Variants in ABCA12 observed in about 807,000 individuals in gnomAD.
The protein encoded by ABCA12 is ATP binding cassette subfamily A member 12.
ABCA12 carries 156 observed loss-of-function variants against 293.5 expected under a neutral mutation model. The ratio of observed to expected loss-of-function variants is 0.53; its 90% CI spans 0.47 to 0.61. ABCA12 has a LOEUF of 0.61. Among genes scored for constraint, ABCA12 ranks in the 20% least tolerant of loss-of-function variants. The pLI, the probability that ABCA12 is intolerant of heterozygous loss-of-function variation, is 0.00. For missense variants in ABCA12, 2,797 were observed against 3,090.2 expected (o/e 0.91, Z 2.25); for synonymous variants, 1,063 against 1,108.0 (o/e 0.96, Z 0.81).
rs780508786 is a variant in ABCA12 at position 214,991,034 on chromosome 2, G to A, written c.3295-3C>T. ...TTCACACCCATCATCTTCATGTACT[G>A]TAAGAAGAAAAAATGTGAGGCGCTT... is the stretch of plus-strand genomic sequence containing the variant. On this transcript the variant is annotated splice_region_variant and splice_polypyrimidine_tract_variant and intron_variant, in intron 23 of 52. Coordinates refer to ENST00000272895, the MANE Select transcript of ABCA12 (RefSeq NM_173076.3). 1 of 1,613,250 alleles carries A rather than the reference G, an allele frequency of 6.2e-7. No individual in the cohort carries two copies. The highest frequency in any genetic ancestry group is 8.5e-7 in the Non-Finnish European group (1 of 1,179,534).
At chr2:215,050,578 T>A (rs552320481) in intron 5 of ABCA12, among the ~76,000 whole-genome samples, 2 of 152,194 alleles carry the variant, frequency 1.3e-5, no homozygotes, top group Non-Finnish European at 2.9e-5. Context: ...ACTTAAGGGG[T>A]CCATCTTAAT....
intron 33 of ABCA12, among the ~76,000 whole-genome samples, chr2:214,977,290 C>G (rs1399091050): frequency 6.6e-6 from 1 of 152,202 alleles, no homozygotes; most frequent in Non-Finnish European, 1.5e-5. Context: ...GAGGCACATA[C>G]TTAGCCTTTG....
chr2:215,077,644 G>A (rs114225255), intron 2 of ABCA12, among the ~76,000 whole-genome samples: 2,838 of 152,258 alleles, frequency 0.019, 45 homozygotes, highest in Non-Finnish European at 0.025. Context: ...ATTAAGTCCT[G>A]CAAGAGTTTC....
At chr2:214,943,550 T>G (rs984723182) in intron 49 of ABCA12, among the ~76,000 whole-genome samples, 15 of 152,162 alleles carry the variant, frequency 9.9e-5, no homozygotes, top group Admixed American at 7.2e-4. Flanking sequence ...TATTACTGTT[T>G]CTTCTAAAAC....
At chr2:215,100,171 CAT>C (rs1243385449) in intron 2 of ABCA12, among the ~76,000 whole-genome samples, 3 of 152,182 alleles carry the variant, frequency 2.0e-5, no homozygotes, top group East Asian at 1.9e-4. Context: ...CATACCACCA[CAT>C]GTGACTAATT....
intron 39 of ABCA12, chr2:214,961,959 G>A (rs1295735083): frequency 2.0e-5 from 3 of 152,176 alleles, no homozygotes; most frequent in African/African-American, 7.2e-5. Context: ...CCAACAGTAG[G>A]AAGATGAAAG....
chr2:215,109,085 G>C (rs1166044515), intron 2 of ABCA12, among the ~76,000 whole-genome samples: 2 of 151,362 alleles, frequency 1.3e-5, no homozygotes, highest in Admixed American at 6.6e-5. Context: ...AAGGAGGCGG[G>C]GGGGCAAGTA....
At position 215,026,956 on chromosome 2, in the gene ABCA12, A is replaced by G. The variant is rs1329442658; in HGVS notation, c.1062-18T>C. The G allele has an allele frequency of 2.7e-6, 4 of 1,508,450 alleles. No homozygotes were observed. Among genetic ancestry groups the G allele is most frequent in the Non-Finnish European group, 3.7e-6 (4 of 1,084,656 alleles). 93.4% of individuals were successfully genotyped at this position (1,508,450 alleles called of 1,614,324 possible). ...TTAGGAGCCTGCAGAATTAGAAAAG[A>G]ATATAGAAATTAAGACATATAAAAG... On this transcript the variant is annotated intron_variant, in intron 9 of 52. Coordinates refer to ENST00000272895, the MANE Select transcript of ABCA12 (RefSeq NM_173076.3).
chr2:214,989,716 T>G, intron 24 of ABCA12, 95 bp from the exon 25 acceptor site: 1 of 1,309,746 alleles, frequency 7.6e-7, no homozygotes, highest in Non-Finnish European at 1.1e-6. Flanking sequence ...GACATTTGTA[T>G]AGATAAAATT....
intron 37 of ABCA12, among the ~76,000 whole-genome samples, chr2:214,969,954 C>G (rs1574950841): frequency 6.6e-6 from 1 of 151,936 alleles, no homozygotes; most frequent in Non-Finnish European, 1.5e-5. Context: ...CAATTGTCAT[C>G]AAAAGTCATG....
chr2:215,092,478 A>G (rs1416360917), intron 2 of ABCA12, among the ~76,000 whole-genome samples: 1 of 151,800 alleles, frequency 6.6e-6, no homozygotes, highest in Non-Finnish European at 1.5e-5. Flanking sequence ...CTTAACCCAC[A>G]AGTATTGGAC....
At chr2:215,104,593 A>G (rs190398923) in intron 2 of ABCA12, among the ~76,000 whole-genome samples, 1 of 152,242 alleles carries the variant, frequency 6.6e-6, no homozygotes, top group African/African-American at 2.4e-5. Flanking sequence ...TGGCTTCCAC[A>G]GAATTTATCT....
At chr2:215,106,987 G>A (rs1369187237) in intron 2 of ABCA12, among the ~76,000 whole-genome samples, 4 of 152,200 alleles carry the variant, frequency 2.6e-5, no homozygotes, top group African/African-American at 4.8e-5. Context: ...CCTTGAGATA[G>A]TTGGGGCTTA....
Position 214,953,892 on chromosome 2 carries a change from C to A in ABCA12, c.6609G>T (p.Leu2203Phe). Residue 2203 changes from leucine to phenylalanine, a missense_variant, in exon 44 of 53, where the codon TTG (leucine) becomes TTT (phenylalanine). Leu to Phe is a conservative substitution (Grantham distance 22). Around this residue, in one of 3 missense-constraint regions of ABCA12, gnomAD observed 2,130 missense variants for 2,427.0 expected, o/e 0.88. Transcript: ENST00000272895. ...LVSQGTMFFS[L>F]RLLINESLIK... ...TCAGGGATTCGTTGATTAAGAGTCG[C>A]AAGGAAAAAAACATGGTGCCCTGAG... The A allele has an allele frequency of 1.2e-6, 2 of 1,613,774 alleles. No individual in the cohort carries two copies. Among genetic ancestry groups the A allele is most frequent in the Non-Finnish European group, 1.7e-6 (2 of 1,179,900 alleles).
chr2:214,950,412 GTGTGTGTGTA>G lies in ABCA12; in HGVS notation c.6852+457_6852+466del, dbSNP rs756984243. On this transcript the variant is annotated intron_variant, in intron 45 of 52. Transcript: ENST00000272895. ...TGTGTGTGTGTGTGTGTGTGTGTGT[GTGTGTGTGTA>G]TATATATGCATGTGTGTATATTTTC... is the stretch of plus-strand genomic sequence containing the variant. Among the ~76,000 whole-genome samples the G allele has an allele frequency of 7.2e-4, 86 of 118,862 alleles. No homozygotes were observed. The South Asian group carries it at 8.8e-3, about 12-fold the overall frequency. The allele number at this position is 118,862 out of a possible 152,430, so 78.0% of individuals were successfully genotyped here. A position where few individuals can be genotyped will look rare whatever the true frequency, so the allele number is the denominator to read the frequency against.
At chr2:215,039,187 A>G (rs1452502537) in intron 7 of ABCA12, 1 of 152,198 alleles carries the variant, frequency 6.6e-6, no homozygotes. Flanking sequence ...CTTTAACATT[A>G]TATAATCTGA....
chr2:215,085,436 G>C (rs1419654531), intron 2 of ABCA12: 2 of 152,136 alleles, frequency 1.3e-5, no homozygotes, highest in Non-Finnish European at 2.9e-5. Context: ...TTTCTTAGGG[G>C]CAAACCAGAG....
intron 49 of ABCA12, among the ~76,000 whole-genome samples, chr2:214,944,431 TA>T (rs71399162): frequency 1.7e-4 from 26 of 149,190 alleles, no homozygotes; most frequent in African/African-American, 5.7e-4. Context: ...AATTAAAAAA[TA>T]AAAAAAAAAT....
Position 214,953,997 on chromosome 2 carries a change from G to T in ABCA12, c.6504C>A (p.Phe2168Leu). The T allele has an allele frequency of 6.2e-7, 1 of 1,614,084 alleles. No homozygotes were observed. The highest frequency in any genetic ancestry group is 8.5e-7 in the Non-Finnish European group (1 of 1,179,988). ...GGTATTCCACTCCATATGCTTTTAA[G>T]AAGTCTAGGACCGACTGTTGTTGAG... ...ELSQQQSVLD[F>L]LKAYGVEYPN... is the part of the protein sequence containing the mutation. Residue 2168 changes from phenylalanine (F) to leucine (L), a missense_variant, in exon 44 of 53, where the codon TTC (phenylalanine) becomes TTA (leucine). Physicochemically the swap from Phe to Leu is conservative, Grantham distance 22. This residue lies in a region of ABCA12 where 2,130 missense variants were observed against 2,427.0 expected (regional missense o/e 0.88). Coordinates refer to ENST00000272895, the MANE Select transcript of ABCA12 (RefSeq NM_173076.3).
Sources: gnomAD v4.1 joint callset for allele counts (sites outside exome capture counted in the v4.1 genomes callset) on GRCh38, gnomAD v4.1.1 for gene constraint, gnomAD v4.1.1 regional missense constraint, MANE v1.5 for transcripts, NCBI Gene and HGNC (gene_info 2026-07-23, HGNC 2026-07-21) for gene names.